Variants in STXBP5L observed in about 807,000 individuals in gnomAD.
The protein encoded by STXBP5L is syntaxin binding protein 5L, also known as syntaxin-binding protein 5-like.
A neutral mutation model predicts 144.5 loss-of-function variants in STXBP5L; 65 were observed. The observed-to-expected ratio is 0.45, with a 90% CI of 0.37 to 0.55. The LOEUF is 0.55. Ranked by LOEUF, STXBP5L falls within the 20% of genes least tolerant of loss-of-function variation. The probability of loss-of-function intolerance (pLI) is 0.00; values close to 1 mark genes in which losing one functional copy is unlikely to be tolerated. For synonymous variants in STXBP5L, 505 were observed against 469.6 expected, an observed-to-expected ratio of 1.08 and a Z score of -0.97; for missense variants, 1,298 against 1,405.5, an observed-to-expected ratio of 0.92 and a Z score of 1.22.
chr3:120,934,576 T>A lies in STXBP5L; in HGVS notation c.190-20364T>A, dbSNP rs139200412. Among the ~76,000 whole-genome samples, 65 of 152,188 alleles carry A rather than the reference T, an allele frequency of 4.3e-4. No homozygotes were observed. In the East Asian group the frequency reaches 0.011, roughly 26 times the overall value. On this transcript the variant is annotated intron_variant, in intron 2 of 26. Transcript: ENST00000471454. ...ATTTTTGGCCTGTGAGATCTGTTAA[T>A]TATTGAGAGAGGGGTGAAGTCTCCA...
chr3:121,018,425 C>A (rs1201853836), intron 3 of STXBP5L, among the ~76,000 whole-genome samples: 4 of 146,334 alleles, frequency 2.7e-5, no homozygotes, highest in Admixed American at 7.0e-5. Context: ...TGTATAAATA[C>A]AATCAACTAA....
At chr3:121,143,910 C>T (rs537532628) in intron 7 of STXBP5L, among the ~76,000 whole-genome samples, 10 of 151,818 alleles carry the variant, frequency 6.6e-5, no homozygotes, top group South Asian at 2.1e-4. Context: ...AGCTTCATGA[C>T]GCTGGTTTTG....
chr3:121,060,487 A>G (rs1239818050), intron 5 of STXBP5L, among the ~76,000 whole-genome samples: 1 of 152,218 alleles, frequency 6.6e-6, no homozygotes, highest in African/African-American at 2.4e-5. Flanking sequence ...CTGGCCTCAT[A>G]AAATGAGTTA....
At chr3:121,215,570 C>G (rs923670793) in intron 10 of STXBP5L, among the ~76,000 whole-genome samples, 3 of 152,040 alleles carry the variant, frequency 2.0e-5, no homozygotes, top group Non-Finnish European at 4.4e-5. Context: ...GCAGAGAGAA[C>G]TGGTTTAGTC....
intron 7 of STXBP5L, among the ~76,000 whole-genome samples, chr3:121,131,034 G>A (rs1364088295): frequency 6.6e-6 from 1 of 152,008 alleles, no homozygotes; most frequent in Non-Finnish European, 1.5e-5. Context: ...GACATAAAGA[G>A]ATAAGAGCAG....
chr3:121,356,823 A>C (rs1462443977), intron 20 of STXBP5L, among the ~76,000 whole-genome samples: 1 of 152,194 alleles, frequency 6.6e-6, no homozygotes, highest in Non-Finnish European at 1.5e-5. Context: ...GCCATCTTGG[A>C]ACCTGGACCA....
At chr3:121,040,738 G>A (rs1947088083) in intron 3 of STXBP5L, among the ~76,000 whole-genome samples, 1 of 151,900 alleles carries the variant, frequency 6.6e-6, no homozygotes, top group African/African-American at 2.4e-5. Flanking sequence ...TCCTTGTGTT[G>A]GAGCCTTGAA....
chr3:121,144,855 A>G (rs936617265), intron 7 of STXBP5L, among the ~76,000 whole-genome samples: 1 of 151,998 alleles, frequency 6.6e-6, no homozygotes, highest in African/African-American at 2.4e-5. Context: ...ACAGTATGTG[A>G]CAACATGGAT....
At chr3:121,187,306 A>G (rs1008911226) in intron 9 of STXBP5L, among the ~76,000 whole-genome samples, 1 of 151,842 alleles carries the variant, frequency 6.6e-6, no homozygotes, top group African/African-American at 2.4e-5. Flanking sequence ...CAAGGACAAA[A>G]AAACAAACAC....
At chr3:120,922,352 T>C (rs911683105) in intron 2 of STXBP5L, among the ~76,000 whole-genome samples, 2 of 152,090 alleles carry the variant, frequency 1.3e-5, no homozygotes, top group African/African-American at 2.4e-5. Flanking sequence ...TTATCAGTTA[T>C]AACAGTTTTT....
At chr3:120,999,044 T>C (rs1321910537) in intron 3 of STXBP5L, among the ~76,000 whole-genome samples, 1 of 152,110 alleles carries the variant, frequency 6.6e-6, no homozygotes, top group Non-Finnish European at 1.5e-5. Context: ...TCATATTGAT[T>C]TCTGTTTTTG....
chr3:120,931,582 A>G (rs1709939371), intron 2 of STXBP5L, among the ~76,000 whole-genome samples: 1 of 152,218 alleles, frequency 6.6e-6, no homozygotes, highest in South Asian at 2.1e-4. Flanking sequence ...TTAAAAAATC[A>G]ATTTATTACT....
At chr3:121,061,101 G>T (rs1432152470) in intron 5 of STXBP5L, among the ~76,000 whole-genome samples, 1 of 152,112 alleles carries the variant, frequency 6.6e-6, no homozygotes, top group African/African-American at 2.4e-5. Flanking sequence ...ATTCTCCTGT[G>T]GGCATTTAAT....
At chr3:121,062,413 C>G (rs2041329246) in intron 5 of STXBP5L, among the ~76,000 whole-genome samples, 1 of 152,248 alleles carries the variant, frequency 6.6e-6, no homozygotes, top group East Asian at 1.9e-4. Flanking sequence ...TTCTCAGTGG[C>G]TGAAGGAAAA....
intron 3 of STXBP5L, among the ~76,000 whole-genome samples, chr3:120,963,547 T>A (rs1301031260): frequency 1.3e-5 from 2 of 152,216 alleles, no homozygotes; most frequent in African/African-American, 2.4e-5. Context: ...TTTTTGTCAT[T>A]TGTTCTGTTT....
chr3:121,045,336 T>C, intron 4 of STXBP5L, 99 bp from the exon 5 acceptor site: 2 of 1,025,066 alleles, frequency 2.0e-6, no homozygotes, highest in East Asian at 2.6e-5. Flanking sequence ...CAAAAGTAAC[T>C]CTTCAGGTAG....
intron 3 of STXBP5L, among the ~76,000 whole-genome samples, chr3:120,966,197 T>G (rs1406901903): frequency 1.3e-5 from 2 of 152,182 alleles, no homozygotes; most frequent in Non-Finnish European, 2.9e-5. Context: ...TTGTCAAGGT[T>G]TTTAGCTTCC....
At chr3:121,088,968 G>T (rs866760267) in intron 5 of STXBP5L, among the ~76,000 whole-genome samples, 1 of 105,784 alleles carries the variant, frequency 9.5e-6, no homozygotes, top group African/African-American at 3.8e-5. Context: ...GGGAGGGATA[G>T]CATTGGGAGA....
At position 121,240,477 on chromosome 3, in the gene STXBP5L, C is replaced by A. The variant is rs2108334812; in HGVS notation, c.1370C>A (p.Ala457Glu). 6.2e-7 allele frequency: 1 copy of A among 1,613,424 alleles called. No individual in the cohort carries two copies. Among genetic ancestry groups the A allele is most frequent in the Non-Finnish European group, 8.5e-7 (1 of 1,179,692 alleles). The change falls in exon 14 of 27, where the codon GCA (alanine) becomes GAA (glutamate). Residue 457 changes from alanine to glutamate, a missense_variant. Transcript: ENST00000471454. The stretch of plus-strand genomic sequence containing the variant: ...AGTGGAGGAGCTTGGAACCTTGGAG[C>A]ACAAACATATCCAGAAATTATTATT... ...PISGGAWNLGAQTYPEIIITG... is the reference protein window; with the variant it reads ...PISGGAWNLGEQTYPEIIITG...
Sources: gnomAD v4.1 joint callset for allele counts (sites outside exome capture counted in the v4.1 genomes callset) on GRCh38, gnomAD v4.1.1 for gene constraint, MANE v1.5 for transcripts, NCBI Gene and HGNC (gene_info 2026-07-23, HGNC 2026-07-21) for gene names.